The following STK10 variants were observed in gnomAD, a reference collection of about 807,000 sequenced individuals.
STK10 encodes the protein serine/threonine kinase 10.
A neutral mutation model predicts 113.8 loss-of-function variants in STK10; 78 were observed. That is an observed-to-expected ratio of 0.69 (90% CI 0.57 to 0.83). The LOEUF (loss-of-function observed/expected upper bound fraction) is 0.83, where lower values mean the gene tolerates loss of function less well. Ranked by LOEUF, STK10 falls within the 40% of genes least tolerant of loss-of-function variation. STK10 has a pLI of 0.00. For synonymous variants in STK10, 465 were observed against 494.7 expected, an observed-to-expected ratio of 0.94 and a Z score of 0.80; for missense variants, 1,109 against 1,280.1, an observed-to-expected ratio of 0.87 and a Z score of 2.04.
chr5:172,099,217 G>T (rs753685409), intron 7 of STK10, among the ~76,000 whole-genome samples: 1 of 151,766 alleles, frequency 6.6e-6, no homozygotes, highest in Admixed American at 6.6e-5. Context: ...CATCACCCCC[G>T]TCAGCAGCAG....
At chr5:172,167,992 T>C (rs1223533159) in intron 1 of STK10, among the ~76,000 whole-genome samples, 1 of 152,346 alleles carries the variant, frequency 6.6e-6, no homozygotes, top group Non-Finnish European at 1.5e-5. Flanking sequence ...GATCATTTGC[T>C]ACGGAAGTCT....
At chr5:172,083,772 G>A (rs1331882628) in intron 10 of STK10, among the ~76,000 whole-genome samples, 1 of 151,960 alleles carries the variant, frequency 6.6e-6, no homozygotes, top group Non-Finnish European at 1.5e-5. Context: ...GCTGGACATG[G>A]TGGCACACGC....
intron 14 of STK10, among the ~76,000 whole-genome samples, chr5:172,058,629 A>C (rs1767857177): frequency 6.6e-6 from 1 of 152,126 alleles, no homozygotes; most frequent in Non-Finnish European, 1.5e-5. Flanking sequence ...AGTGGCTCAC[A>C]CCGTAGTCCC....
chr5:172,080,004 G>T (rs1452533001), intron 12 of STK10, among the ~76,000 whole-genome samples: 1 of 152,148 alleles, frequency 6.6e-6, no homozygotes, highest in African/African-American at 2.4e-5. Context: ...GCAACTCTGT[G>T]TCGAGCAAGT....
At position 172,174,388 on chromosome 5, in the gene STK10, T is replaced by A. The variant is rs548260362; in HGVS notation, c.156+13499A>T. Among the ~76,000 whole-genome samples the A allele has an allele frequency of 5.4e-4, 82 of 152,122 alleles. No individual in the cohort carries two copies. The South Asian group carries it at 0.01, about 19-fold the overall frequency. On this transcript the variant is annotated intron_variant, in intron 1 of 18. Coordinates refer to ENST00000176763, the MANE Select transcript of STK10 (RefSeq NM_005990.4). ...CGTTTCACCATATTGGCCAGGCTGG[T>A]CTCGAACTCTTGACCTCAGATGATC...
Position 172,061,200 on chromosome 5 carries a change from G to A in STK10, c.2151C>T (p.Asn717=). The A allele has an allele frequency of 1.2e-6, 2 of 1,613,552 alleles. No individual in the cohort carries two copies. The highest frequency in any genetic ancestry group is 1.7e-6 in the Non-Finnish European group (2 of 1,179,936). ...ELAMKRLTTD[N]RREICDKERE... ...GCTCCTTGTCACAGATCTCCCGCCT[G>A]TTGTCGGTGGTGAGCCTCTTCATGG... Residue 717 remains asparagine (N), a synonymous_variant, in exon 14 of 19, where the codon AAC becomes AAT. Transcript: ENST00000176763.
chr5:172,077,607 T>C (rs1486471741), intron 12 of STK10, among the ~76,000 whole-genome samples: 1 of 152,204 alleles, frequency 6.6e-6, no homozygotes, highest in Non-Finnish European at 1.5e-5. Flanking sequence ...GAAGAATAAA[T>C]AGGTCCCTGT....
At chr5:172,186,724 C>T (rs968110575) in intron 1 of STK10, among the ~76,000 whole-genome samples, 1 of 152,190 alleles carries the variant, frequency 6.6e-6, no homozygotes, top group Non-Finnish European at 1.5e-5. Context: ...CTTATTAAAA[C>T]GTAGACTCTA....
At chr5:172,053,529 T>C (rs4075704) in intron 17 of STK10, among the ~76,000 whole-genome samples, 24,910 of 152,300 alleles carry the variant, frequency 0.16, 2,707 homozygotes, top group East Asian at 0.34. Context: ...GTCACTGACA[T>C]GGGTGAGACT....
At chr5:172,101,978 G>A (rs544932107) in intron 7 of STK10, among the ~76,000 whole-genome samples, 40 of 152,040 alleles carry the variant, frequency 2.6e-4, no homozygotes, top group African/African-American at 6.0e-4. Context: ...TGGGGGGGGC[G>A]GATCACACAG....
chr5:172,170,802 C>A (rs11954147), intron 1 of STK10, among the ~76,000 whole-genome samples: 3 of 152,294 alleles, frequency 2.0e-5, no homozygotes, highest in African/African-American at 7.2e-5. Context: ...ATAAAGGAGG[C>A]GTGAAAGGTG....
intron 4 of STK10, among the ~76,000 whole-genome samples, chr5:172,116,966 T>C (rs971063422): frequency 1.3e-5 from 2 of 151,726 alleles, no homozygotes; most frequent in Admixed American, 1.3e-4. Flanking sequence ...TCCATCACTC[T>C]CATTCGAATT....
chr5:172,058,856 C>T (rs1378575060), intron 14 of STK10, among the ~76,000 whole-genome samples: 2 of 152,064 alleles, frequency 1.3e-5, no homozygotes, highest in East Asian at 1.9e-4. Flanking sequence ...TGCCACTGCA[C>T]TCCAGCCTGA....
At chr5:172,144,087 A>T (rs892244099) in intron 2 of STK10, among the ~76,000 whole-genome samples, 3 of 152,246 alleles carry the variant, frequency 2.0e-5, no homozygotes, top group African/African-American at 7.2e-5. Context: ...GCATTCCTTC[A>T]CTTAATTTCA....
chr5:172,096,620 G>A, intron 7 of STK10, 60 bp from the exon 8 acceptor site: 2 of 1,592,278 alleles, frequency 1.3e-6, no homozygotes, highest in Non-Finnish European at 1.7e-6. Flanking sequence ...GGGTGGAAGA[G>A]GCTGGGGGAG....
intron 1 of STK10, among the ~76,000 whole-genome samples, chr5:172,175,821 C>T (rs1187836214): frequency 6.6e-6 from 1 of 152,168 alleles, no homozygotes; most frequent in Non-Finnish European, 1.5e-5. Flanking sequence ...CAAGTCCCAG[C>T]CCTGCCAAAA....
At chr5:172,163,505 CT>C (rs1349686766) in intron 1 of STK10, among the ~76,000 whole-genome samples, 2 of 152,192 alleles carry the variant, frequency 1.3e-5, no homozygotes, top group African/African-American at 2.4e-5. Context: ...AGAATGTCAT[CT>C]GCCAACAAAC....
Position 172,107,814 on chromosome 5 carries a change from G to A in STK10, c.559C>T (p.Gln187Ter), listed in dbSNP as rs137947627. 2 of 1,614,156 alleles carry A rather than the reference G, an allele frequency of 1.2e-6. No homozygotes were observed. The highest frequency in any genetic ancestry group is 1.3e-5 in the African/African-American group (1 of 75,042). ...GTGCCGATGAAGGAATCTCGTTTCT[G>A]TAGAGTCTTCAGATTCTTGGCAGAC... ...GVSAKNLKTLQKRDSFIGTPY... is the reference protein window; with the variant it reads ...GVSAKNLKTL The change falls in exon 5 of 19, where the codon CAG becomes TAG. Residue 187 changes from glutamine to a stop codon, truncating the protein, a stop_gained. Transcript: ENST00000176763. LOFTEE classifies it high-confidence loss of function.
intron 13 of STK10, 64 bp from the exon 14 acceptor site, chr5:172,061,332 CTAT>C: frequency 6.6e-7 from 1 of 1,520,686 alleles, no homozygotes; most frequent in South Asian, 1.3e-5. Context: ...ATGTCTCTTC[CTAT>C]TATGGGAGAA....
Sources: allele counts gnomAD v4.1 joint callset (sites outside exome capture counted in the v4.1 genomes callset), GRCh38; gene constraint gnomAD v4.1.1; transcripts MANE v1.5; gene names NCBI Gene and HGNC (gene_info 2026-07-23, HGNC 2026-07-21).